Variants in CDKL1 observed in about 807,000 individuals in gnomAD.
CDKL1 encodes cyclin-dependent kinase-like 1.
In CDKL1, 41 loss-of-function variants were observed where a neutral mutation model predicts 42.0. That is an observed-to-expected ratio of 0.98 (90% CI 0.76 to 1.27). The LOEUF (loss-of-function observed/expected upper bound fraction) is 1.27, where lower values mean the gene tolerates loss of function less well. Ranked by LOEUF, CDKL1 falls within the 50% of genes most tolerant of loss-of-function variation. CDKL1 has a pLI of 0.00. For missense variants in CDKL1, 394 were observed against 428.4 expected (o/e 0.92, Z 0.71); for synonymous variants, 153 against 158.6 (o/e 0.96, Z 0.26).
chr14:50,395,899 C>A lies in CDKL1; in HGVS notation c.-31G>T. On this transcript the variant is annotated 5_prime_UTR_variant, in exon 2 of 10. Transcript: ENST00000395834. Reference sequence around the variant, plus strand: ...AGGAATAAATCTTCTTAAAATGGATCTTCAGCCGAGAATGGTGGCTCACGC... The same window carrying A: ...AGGAATAAATCTTCTTAAAATGGATATTCAGCCGAGAATGGTGGCTCACGC... 2 of 1,607,424 alleles carry A rather than the reference C, an allele frequency of 1.2e-6. No individual in the cohort carries two copies. Among genetic ancestry groups the A allele is most frequent in the Non-Finnish European group, 1.7e-6 (2 of 1,174,368 alleles).
chr14:50,337,649 C>T (rs1452903969), intron 7 of CDKL1, among the ~76,000 whole-genome samples: 1 of 151,352 alleles, frequency 6.6e-6, no homozygotes, highest in Admixed American at 6.6e-5. Flanking sequence ...GCCACCGCAC[C>T]TGGCTCTGTA....
At chr14:50,370,549 G>T (rs1349785344) in intron 2 of CDKL1, among the ~76,000 whole-genome samples, 1 of 152,198 alleles carries the variant, frequency 6.6e-6, no homozygotes, top group Non-Finnish European at 1.5e-5. Context: ...CTGCTTCTAA[G>T]AATGTATTAG....
At chr14:50,386,338 G>A (rs2035080826) in intron 2 of CDKL1, among the ~76,000 whole-genome samples, 1 of 152,154 alleles carries the variant, frequency 6.6e-6, no homozygotes, top group Non-Finnish European at 1.5e-5. Context: ...GGAGGCTGAG[G>A]CAGAAGGATC....
At chr14:50,373,420 T>C (rs2034641770) in intron 2 of CDKL1, among the ~76,000 whole-genome samples, 1 of 152,216 alleles carries the variant, frequency 6.6e-6, no homozygotes, top group South Asian at 2.1e-4. Flanking sequence ...AACAACGTGA[T>C]GCCATTTATT....
At chr14:50,380,076 A>G in intron 2 of CDKL1, 1 of 494,090 alleles carries the variant, frequency 2.0e-6, no homozygotes, top group Non-Finnish European at 4.2e-6. Flanking sequence ...AAATTGGCAT[A>G]GGTATGCTTA....
At chr14:50,362,854 A>G (rs889695620) in intron 2 of CDKL1, 3 of 373,798 alleles carry the variant, frequency 8.0e-6, no homozygotes, top group African/African-American at 4.1e-5. Context: ...ATAAGAGAAT[A>G]AAAGCAGGCT....
rs1449957985 is a variant in CDKL1 at position 50,328,568 on chromosome 14, GCAGCA to G, written c.*1501_*1505del. 6.6e-6 allele frequency: 1 copy of G among 152,188 alleles called. No homozygotes were observed. Among genetic ancestry groups the G allele is most frequent in the Non-Finnish European group, 1.5e-5 (1 of 68,034 alleles). 9.4% of individuals were successfully genotyped at this position (152,188 alleles called of 1,614,324 possible). On this transcript the variant is annotated 3_prime_UTR_variant, in exon 10 of 10. Coordinates refer to ENST00000395834, the MANE Select transcript of CDKL1 (RefSeq NM_004196.7). ...TGGCTGAGAAGTGCTAGGAATAGTG[GCAGCA>G]CATCAACCAGAAATGGTGTTGAGCT...
chr14:50,364,351 C>A (rs151196364), intron 2 of CDKL1, among the ~76,000 whole-genome samples: 23 of 152,292 alleles, frequency 1.5e-4, no homozygotes, highest in Admixed American at 4.6e-4. Flanking sequence ...CACCTGTAAT[C>A]CCAGCTACTC....
chr14:50,388,497 C>T lies in CDKL1; in HGVS notation c.168+7204G>A, dbSNP rs2035152928. 2.6e-5 allele frequency among the ~76,000 whole-genome samples: 4 copies of T among 152,250 alleles called. No homozygotes were observed. The South Asian group carries it at 8.3e-4, about 31-fold the overall frequency. On this transcript the variant is annotated intron_variant, in intron 2 of 9. Coordinates refer to ENST00000395834, the MANE Select transcript of CDKL1 (RefSeq NM_004196.7). ...GCCTCTTGGGGGACTGTGTGAAGAG[C>T]TTTTGCCTCCAGCGCCTCCGTTGGC...
rs1311005519 is a variant in CDKL1 at position 50,329,738 on chromosome 14, T to G, written c.*336A>C. 5.1e-6 allele frequency: 1 copy of G among 196,632 alleles called. No homozygotes were observed. Among genetic ancestry groups the G allele is most frequent in the African/African-American group, 2.4e-5 (1 of 42,030 alleles). The allele number at this position is 196,632 out of a possible 1,614,324, so 12.2% of individuals were successfully genotyped here. A position where few individuals can be genotyped will look rare whatever the true frequency, so the allele number is the denominator to read the frequency against. On this transcript the variant is annotated 3_prime_UTR_variant, in exon 10 of 10. Transcript: ENST00000395834. The stretch of plus-strand genomic sequence containing the variant: ...TGTGGTTCATTTTTCTTGTGTGGCA[T>G]GTGGTACAACTGAAGCATAAATCTT...
At chr14:50,338,495 A>C (rs777278977) in intron 7 of CDKL1, among the ~76,000 whole-genome samples, 9 of 152,076 alleles carry the variant, frequency 5.9e-5, no homozygotes, top group Non-Finnish European at 1.0e-4. Flanking sequence ...GGCCTCCCCA[A>C]AGTACCAGGA....
At position 50,341,195 on chromosome 14, in the gene CDKL1, G is replaced by C. The variant is rs1474156946; in HGVS notation, c.492C>G (p.Thr164=). The stretch of plus-strand genomic sequence containing the variant: ...GCAGCTCAGGGGAGCGGTACCACCT[G>C]GTAGCCACGTAGTCTGTATAGTAGT... ...PSDYYTDYVA[T]RWYRSPELLV... is the part of the protein sequence containing the mutation. Residue 164 remains threonine, a synonymous_variant, in exon 6 of 10, where the codon ACC becomes ACG. Coordinates refer to ENST00000395834, the MANE Select transcript of CDKL1 (RefSeq NM_004196.7). 32 of 1,613,976 alleles carry C rather than the reference G, an allele frequency of 2.0e-5. No homozygotes were observed. Among genetic ancestry groups the C allele is most frequent in the Middle Eastern group, 1.6e-4 (1 of 6,084 alleles).
At chr14:50,332,095 G>C in intron 9 of CDKL1, 167 bp downstream of exon 9, 1 of 1,580,492 alleles carries the variant, frequency 6.3e-7, no homozygotes, top group African/African-American at 1.3e-5. Context: ...AGGGAGAGGG[G>C]GCTTCAGGAG....
At chr14:50,380,321 C>G (rs1175620651) in intron 2 of CDKL1, 1 of 468,288 alleles carries the variant, frequency 2.1e-6, no homozygotes, top group Non-Finnish European at 4.4e-6. Context: ...ACCCCCTCAA[C>G]TCACCTGGTA....
In CDKL1 at chr14:50,345,052, T is replaced by C; in HGVS notation, c.297A>G (p.Pro99=). 6.2e-7 allele frequency: 1 copy of C among 1,613,876 alleles called. No individual in the cohort carries two copies. Among genetic ancestry groups the C allele is most frequent in the Non-Finnish European group, 8.5e-7 (1 of 1,179,908 alleles). Residue 99 remains proline (P), a synonymous_variant, in exon 4 of 10, where the codon CCA becomes CCG. Transcript: ENST00000395834. ...HELDRYQRGV[P]EHLVKSITWQ... ...AAGTTATGCTCTTCACGAGATGTTCTGGTACCCTAATAAAAATAAAGCAGC... is the reference window on the plus strand; with the variant it reads ...AAGTTATGCTCTTCACGAGATGTTCCGGTACCCTAATAAAAATAAAGCAGC...
chr14:50,348,660 C>A (rs958270820), intron 3 of CDKL1, among the ~76,000 whole-genome samples: 7 of 152,250 alleles, frequency 4.6e-5, no homozygotes, highest in Non-Finnish European at 7.4e-5. Context: ...AATGGCCCAG[C>A]TAGAAAACCA....
intron 2 of CDKL1, among the ~76,000 whole-genome samples, chr14:50,393,478 G>A (rs1007435422): frequency 6.6e-6 from 1 of 152,144 alleles, no homozygotes; most frequent in Non-Finnish European, 1.5e-5. Flanking sequence ...TATTTATTAA[G>A]TATCTTTATT....
Position 50,326,619 on chromosome 14 carries a change from G to C in CDKL1, c.*3455C>G. ...GCTGCTTAATTTGTCTATTTTGTAA[G>C]CTTAGGCTACTATTTTATTAAAACT... On this transcript the variant is annotated 3_prime_UTR_variant, in exon 10 of 10. Coordinates refer to ENST00000395834, the MANE Select transcript of CDKL1 (RefSeq NM_004196.7). 1.0e-6 allele frequency: 1 copy of C among 985,420 alleles called. No individual in the cohort carries two copies. Among genetic ancestry groups the C allele is most frequent in the Non-Finnish European group, 1.2e-6 (1 of 829,922 alleles). 61.0% of individuals were successfully genotyped at this position (985,420 alleles called of 1,614,324 possible).
chr14:50,383,144 G>T (rs1324184013), intron 2 of CDKL1, among the ~76,000 whole-genome samples: 1 of 151,722 alleles, frequency 6.6e-6, no homozygotes, highest in Non-Finnish European at 1.5e-5. Context: ...TAGCCAGGAG[G>T]TCTCCATCTC....
Sources: allele counts gnomAD v4.1 joint callset (sites outside exome capture counted in the v4.1 genomes callset), GRCh38; gene constraint gnomAD v4.1.1; transcripts MANE v1.5; gene names NCBI Gene and HGNC (gene_info 2026-07-23, HGNC 2026-07-21).